The following ZNF776 variants were observed in gnomAD, a reference collection of about 807,000 sequenced individuals.
The protein encoded by ZNF776 is zinc finger protein 776.
ZNF776 carries 4 observed loss-of-function variants against 7.0 expected under a neutral mutation model. The observed-to-expected ratio is 0.57, with a 90% CI of 0.28 to 1.31. ZNF776 has a LOEUF of 1.31. ZNF776 is among the 50% of genes most tolerant of loss of function. ZNF776 has a pLI of 0.10. For missense variants in ZNF776, 555 were observed against 625.9 expected, an observed-to-expected ratio of 0.89 and a Z score of 1.21; for synonymous variants, 212 against 213.7, an observed-to-expected ratio of 0.99 and a Z score of 0.07.
chr19:57,756,594 T>C lies in ZNF776; in HGVS notation c.*1907T>C, dbSNP rs888236009. The C allele has an allele frequency of 1.2e-5, 2 of 170,674 alleles. No individual in the cohort carries two copies. Among genetic ancestry groups the C allele is most frequent in the South Asian group, 2.2e-4 (2 of 8,982 alleles). 10.6% of individuals were successfully genotyped at this position (170,674 alleles called of 1,614,324 possible). ...ATAAAGACTTCAGGGCTTTGTGATCTTTATTTTTAGATGAAATAGTGCAAT... is the reference window on the plus strand; with the variant it reads ...ATAAAGACTTCAGGGCTTTGTGATCCTTATTTTTAGATGAAATAGTGCAAT... On this transcript the variant is annotated 3_prime_UTR_variant, in exon 3 of 3. Coordinates refer to ENST00000317178, the MANE Select transcript of ZNF776 (RefSeq NM_173632.4).
In ZNF776 at chr19:57,754,583, G is replaced by A. The variant is rs2122522800; in HGVS notation, c.1453G>A (p.Glu485Lys). The A allele has an allele frequency of 6.2e-7, 1 of 1,614,258 alleles. No homozygotes were observed. Among genetic ancestry groups the A allele is most frequent in the Middle Eastern group, 1.6e-4 (1 of 6,062 alleles). ...LIRHQQIHSGERPHECGECGK... is the reference protein window; with the variant it reads ...LIRHQQIHSGKRPHECGECGK... ...TCGACATCAGCAGATTCACTCTGGAGAAAGGCCACATGAGTGTGGAGAATG... is the reference window on the plus strand; with the variant it reads ...TCGACATCAGCAGATTCACTCTGGAAAAAGGCCACATGAGTGTGGAGAATG... Residue 485 changes from glutamate (E) to lysine (K), a missense_variant, in exon 3 of 3, where the codon GAA becomes AAA. Glu to Lys is a moderately conservative substitution (Grantham distance 56). Coordinates refer to ENST00000317178, the MANE Select transcript of ZNF776 (RefSeq NM_173632.4).
rs747812410 is a variant in ZNF776, at chr19:57,754,163, G to GAAA, written c.1034_1036dup (p.Glu345_Arg346insLys). 44 of 1,614,118 alleles carry GAAA rather than the reference G, an allele frequency of 2.7e-5. No homozygotes were observed. In the African/African-American group the frequency reaches 4.9e-4, roughly 18 times the overall value. ...TCACCACCAGCGAGTTCACACTGGA[G>GAAA]AAAGACCTTATCAGTGTGGAGAATG... On this transcript the variant is annotated inframe_insertion, in exon 3 of 3. Transcript: ENST00000317178.
chr19:57,752,410 T>C (rs1986635432), intron 2 of ZNF776, among the ~76,000 whole-genome samples: 1 of 152,226 alleles, frequency 6.6e-6, no homozygotes, highest in African/African-American at 2.4e-5. Flanking sequence ...TCTCTTATTC[T>C]TTATGTCATC....
chr19:57,748,816 T>A (rs1295637551), intron 1 of ZNF776, among the ~76,000 whole-genome samples: 1 of 151,844 alleles, frequency 6.6e-6, no homozygotes, highest in Non-Finnish European at 1.5e-5. Flanking sequence ...TAGGCCAGAG[T>A]GGTACTTATT....
Position 57,753,458 on chromosome 19 carries a change from A to G in ZNF776, c.328A>G (p.Asn110Asp). Residue 110 changes from asparagine to aspartate, a missense_variant, in exon 3 of 3, where the codon AAT becomes GAT. Asn to Asp is a conservative substitution (Grantham distance 23, BLOSUM62 1). Coordinates refer to ENST00000317178, the MANE Select transcript of ZNF776 (RefSeq NM_173632.4). Reference protein sequence around the residue: ...GDILHQGTQHNQKLNGFGAYE... With the variant: ...GDILHQGTQHDQKLNGFGAYE... ...TATCTTACACCAGGGAACACAACAC[A>G]ATCAGAAATTGAATGGGTTTGGGGC... 6.2e-7 allele frequency: 1 copy of G among 1,614,218 alleles called. No homozygotes were observed. Among genetic ancestry groups the G allele is most frequent in the Non-Finnish European group, 8.5e-7 (1 of 1,180,032 alleles).
chr19:57,748,802 C>T (rs1411047929), intron 1 of ZNF776, among the ~76,000 whole-genome samples: 1 of 152,052 alleles, frequency 6.6e-6, no homozygotes, highest in African/African-American at 2.4e-5. Flanking sequence ...GGGAAGATGA[C>T]ACTTAGGCCA....
intron 2 of ZNF776, 122 bp from the exon 3 acceptor site, chr19:57,753,168 TA>T: frequency 1.1e-6 from 1 of 912,282 alleles, no homozygotes; most frequent in Non-Finnish European, 1.7e-6. Flanking sequence ...GGGTGCTATA[TA>T]AAAGGATATG....
rs1383247652 is a variant in ZNF776, at chr19:57,757,635, T to C, written c.*2948T>C. The stretch of plus-strand genomic sequence containing the variant: ...CAGATAGTTCTTTCAAATTAAATTT[T>C]TAAAGCTGTAATAAGACTGGGCATG... On this transcript the variant is annotated 3_prime_UTR_variant, in exon 3 of 3. Transcript: ENST00000317178. The C allele has an allele frequency of 6.6e-6, 1 of 152,242 alleles. No homozygotes were observed. The highest frequency in any genetic ancestry group is 1.9e-4 in the East Asian group (1 of 5,196). The allele number at this position is 152,242 out of a possible 1,614,324, so 9.4% of individuals were successfully genotyped here.
rs1162118300 is a variant in ZNF776, at chr19:57,755,817, A to C, written c.*1130A>C. On this transcript the variant is annotated 3_prime_UTR_variant, in exon 3 of 3. Coordinates refer to ENST00000317178, the MANE Select transcript of ZNF776 (RefSeq NM_173632.4). ...GGCAGGTACCTACAGTGCATCACTC[A>C]TGCACTCCATCATATTCCAGAAAAA... 1 of 152,190 alleles carries C rather than the reference A, an allele frequency of 6.6e-6. No homozygotes were observed. Among genetic ancestry groups the C allele is most frequent in the Non-Finnish European group, 1.5e-5 (1 of 68,042 alleles). The allele number at this position is 152,190 out of a possible 1,614,324, so 9.4% of individuals were successfully genotyped here.
intron 1 of ZNF776, among the ~76,000 whole-genome samples, chr19:57,747,919 G>T (rs1986487501): frequency 1.3e-5 from 2 of 151,130 alleles, no homozygotes; most frequent in African/African-American, 2.4e-5. Context: ...CAAAGTCTGT[G>T]ACACAGGATA....
At position 57,747,010 on chromosome 19, in the gene ZNF776, C is replaced by T. The variant is rs1986452245; in HGVS notation, c.-49C>T. The T allele has an allele frequency of 2.6e-6, 4 of 1,538,178 alleles. No individual in the cohort carries two copies. Among genetic ancestry groups the T allele is most frequent in the East Asian group, 2.4e-5 (1 of 40,850 alleles). On this transcript the variant is annotated 5_prime_UTR_variant, in exon 1 of 3. Transcript: ENST00000317178. Reference sequence around the variant, plus strand: ...GATCGGGACCACCGTGCCCGGGTACCTGCACTGCTCGCCCCCTCCTTTCGA... The same window carrying T: ...GATCGGGACCACCGTGCCCGGGTACTTGCACTGCTCGCCCCCTCCTTTCGA...
At position 57,753,755 on chromosome 19, in the gene ZNF776, A is replaced by G; in HGVS notation, c.625A>G (p.Ile209Val). ...CCTTCAGGGTGGAAAAACTCATTACATCTGTGGAGAGTCCACAATACCGTT... is the reference window on the plus strand; with the variant it reads ...CCTTCAGGGTGGAAAAACTCATTACGTCTGTGGAGAGTCCACAATACCGTT... ...IPLQGGKTHY[I>V]CGESTIPFSN... The change falls in exon 3 of 3, where the codon ATC (isoleucine) becomes GTC (valine). Residue 209 changes from isoleucine (I) to valine (V), a missense_variant. Ile to Val is a conservative substitution (Grantham distance 29). Transcript: ENST00000317178. 1 of 1,614,246 alleles carries G rather than the reference A, an allele frequency of 6.2e-7. No individual in the cohort carries two copies. Among genetic ancestry groups the G allele is most frequent in the South Asian group, 1.1e-5 (1 of 91,090 alleles).
Position 57,753,747 on chromosome 19 carries a change from C to T in ZNF776, c.617C>T (p.Thr206Ile). The change falls in exon 3 of 3, where the codon ACT becomes ATT. Residue 206 changes from threonine (T) to isoleucine (I), a missense_variant. Transcript: ENST00000317178. ...KHGIPLQGGK[T>I]HYICGESTIP... is the part of the protein sequence containing the mutation. The stretch of plus-strand genomic sequence containing the variant: ...GGGATACCCCTTCAGGGTGGAAAAA[C>T]TCATTACATCTGTGGAGAGTCCACA... 1 of 1,614,218 alleles carries T rather than the reference C, an allele frequency of 6.2e-7. No individual in the cohort carries two copies. The highest frequency in any genetic ancestry group is 8.5e-7 in the Non-Finnish European group (1 of 1,180,042).
In ZNF776 at chr19:57,747,082, C is replaced by T; in HGVS notation, c.24C>T (p.Pro8=). The change falls in exon 1 of 3, where the codon CCC becomes CCT. Residue 8 remains proline (P), a synonymous_variant. Transcript: ENST00000317178. MAAAALR[P]PAQGTVTFED... ...GGATGGCGGCGGCCGCGCTGAGGCC[C>T]CCGGCTCAGGTAATTGTGGCGTCTT... 6.3e-7 allele frequency: 1 copy of T among 1,591,708 alleles called. No individual in the cohort carries two copies. Among genetic ancestry groups the T allele is most frequent in the Non-Finnish European group, 8.6e-7 (1 of 1,169,378 alleles).
intron 2 of ZNF776, 93 bp downstream of exon 2, chr19:57,751,004 G>A: frequency 7.0e-7 from 1 of 1,422,860 alleles, no homozygotes; most frequent in South Asian, 1.4e-5. Flanking sequence ...CTCACTTCAG[G>A]AGCCTGGGCA....
At position 57,750,728 on chromosome 19, in the gene ZNF776, G is replaced by A. The variant is rs913589189; in HGVS notation, c.34-57G>A. 107 of 1,558,716 alleles carry A rather than the reference G, an allele frequency of 6.9e-5. No individual in the cohort carries two copies. The African/African-American group carries it at 1.3e-3, about 20-fold the overall frequency. On this transcript the variant is annotated intron_variant, in intron 1 of 2. Transcript: ENST00000317178. ...CCTTGGGAGGAGGAAGGGCAAGGGTGGATAAGTGGATGAGCATATGGAGTG... is the reference window on the plus strand; with the variant it reads ...CCTTGGGAGGAGGAAGGGCAAGGGTAGATAAGTGGATGAGCATATGGAGTG...
chr19:57,747,094 A>G lies in ZNF776; in HGVS notation c.33+3A>G, dbSNP rs974170957. On this transcript the variant is annotated splice_donor_region_variant and intron_variant, in intron 1 of 2. Coordinates refer to ENST00000317178, the MANE Select transcript of ZNF776 (RefSeq NM_173632.4). Reference sequence around the variant, plus strand: ...CCGCGCTGAGGCCCCCGGCTCAGGTAATTGTGGCGTCTTCCGTGCCCTCAG... The same window carrying G: ...CCGCGCTGAGGCCCCCGGCTCAGGTGATTGTGGCGTCTTCCGTGCCCTCAG... 1.4e-5 allele frequency: 22 copies of G among 1,591,456 alleles called. No individual in the cohort carries two copies. Among genetic ancestry groups the G allele is most frequent in the South Asian group, 2.3e-5 (2 of 87,564 alleles).
At chr19:57,752,407 T>C (rs1245563715) in intron 2 of ZNF776, among the ~76,000 whole-genome samples, 2 of 152,240 alleles carry the variant, frequency 1.3e-5, no homozygotes, top group Non-Finnish European at 2.9e-5. Context: ...CTTTCTCTTA[T>C]TCTTTATGTC....
At position 57,754,917 on chromosome 19, in the gene ZNF776, G is replaced by C; in HGVS notation, c.*230G>C. On this transcript the variant is annotated 3_prime_UTR_variant, in exon 3 of 3. Coordinates refer to ENST00000317178, the MANE Select transcript of ZNF776 (RefSeq NM_173632.4). ...CAAATACCAGAAGGGTCACACTGGA[G>C]AAAGACCCTATAGTTATGGGGAATT... is the stretch of plus-strand genomic sequence containing the variant. The C allele has an allele frequency of 1.8e-6, 1 of 557,366 alleles. No homozygotes were observed. The highest frequency in any genetic ancestry group is 1.9e-5 in the African/African-American group (1 of 53,216). The allele number at this position is 557,366 out of a possible 1,614,324, so 34.5% of individuals were successfully genotyped here.
Sources: gnomAD v4.1 joint callset for allele counts (sites outside exome capture counted in the v4.1 genomes callset) on GRCh38, gnomAD v4.1.1 for gene constraint, MANE v1.5 for transcripts, NCBI Gene and HGNC (gene_info 2026-07-23, HGNC 2026-07-21) for gene names.